Variants in VPS13A observed in about 807,000 individuals in gnomAD.
The protein encoded by VPS13A is intermembrane lipid transfer protein VPS13A.
In VPS13A, 264 loss-of-function variants were observed where a neutral mutation model predicts 390.9. That is an observed-to-expected ratio of 0.68 (90% CI 0.61 to 0.75). The LOEUF (loss-of-function observed/expected upper bound fraction) is 0.75. Among genes scored for constraint, VPS13A ranks in the 30% least tolerant of loss-of-function variants. VPS13A has a pLI of 0.00. For synonymous variants in VPS13A, 1,231 were observed against 1,227.1 expected (o/e 1.00, Z -0.07); for missense variants, 3,409 against 3,733.9 (o/e 0.91, Z 2.27).
intron 19 of VPS13A, among the ~76,000 whole-genome samples, chr9:77,241,649 T>C (rs1824506111): frequency 1.3e-5 from 2 of 152,164 alleles, no homozygotes; most frequent in Non-Finnish European, 1.5e-5. Context: ...TTCCTTAGAA[T>C]ATTATTTGGG....
At chr9:77,195,805 A>G (rs1276289802) in intron 1 of VPS13A, among the ~76,000 whole-genome samples, 2 of 150,916 alleles carry the variant, frequency 1.3e-5, no homozygotes, top group East Asian at 3.9e-4. Flanking sequence ...TCTTTCACTT[A>G]TCTTTGCTCT....
rs1017365377 is a variant in VPS13A, at chr9:77,416,065, C to T, written c.*59C>T. ...GTGATTACAGCTCCTAGACTACCTT[C>T]CAAAACCTGTTTGGGAAGCATATTA... On this transcript the variant is annotated 3_prime_UTR_variant, in exon 72 of 72. Transcript: ENST00000360280. 5.8e-5 allele frequency: 92 copies of T among 1,587,178 alleles called. No homozygotes were observed. The highest frequency in any genetic ancestry group is 7.5e-5 in the Non-Finnish European group (87 of 1,156,104).
chr9:77,299,001 A>G (rs897411507), intron 33 of VPS13A, among the ~76,000 whole-genome samples: 6 of 152,140 alleles, frequency 3.9e-5, no homozygotes, highest in Admixed American at 3.3e-4. Flanking sequence ...TCCCAACACT[A>G]TTTATTAAAT....
At chr9:77,410,843 T>C (rs911406199) in intron 71 of VPS13A, among the ~76,000 whole-genome samples, 7 of 146,202 alleles carry the variant, frequency 4.8e-5, no homozygotes, top group Non-Finnish European at 1.1e-4. Flanking sequence ...ACAATAATAA[T>C]GGGAGACTTT....
chr9:77,268,634 C>T (rs1326322651), intron 23 of VPS13A, among the ~76,000 whole-genome samples: 1 of 152,056 alleles, frequency 6.6e-6, no homozygotes, highest in Non-Finnish European at 1.5e-5. Context: ...GTTTTATCCC[C>T]AGTCTGTTAG....
At chr9:77,327,489 CTTAG>C (rs1156305524) in intron 45 of VPS13A, among the ~76,000 whole-genome samples, 2 of 151,964 alleles carry the variant, frequency 1.3e-5, no homozygotes, top group African/African-American at 4.8e-5. Context: ...TTATGAAATT[CTTAG>C]TTCTCATGTT....
Position 77,315,227 on chromosome 9 carries a change from G to C in VPS13A, c.4413-26G>C, listed in dbSNP as rs769556396. 7.5e-6 allele frequency: 12 copies of C among 1,592,908 alleles called. 1 individual carries two copies. In the South Asian group the frequency reaches 1.2e-4, roughly 16 times the overall value. ...ATTACTTCTAAGTTACTCATACATAGGAATTGTTGTTATTGTGTTTTCCAG... is the reference window on the plus strand; with the variant it reads ...ATTACTTCTAAGTTACTCATACATACGAATTGTTGTTATTGTGTTTTCCAG... On this transcript the variant is annotated intron_variant, in intron 37 of 71. Transcript: ENST00000360280.
At chr9:77,353,940 T>C (rs1207438463) in intron 54 of VPS13A, among the ~76,000 whole-genome samples, 2 of 152,094 alleles carry the variant, frequency 1.3e-5, no homozygotes, top group African/African-American at 4.8e-5. Context: ...CTTAGTTCAT[T>C]TTCCATTACC....
chr9:77,300,067 A>G (rs1828254756), intron 33 of VPS13A, among the ~76,000 whole-genome samples: 1 of 152,198 alleles, frequency 6.6e-6, no homozygotes, highest in Admixed American at 6.5e-5. Flanking sequence ...CATTCTGCAC[A>G]TGTATCCCAG....
chr9:77,187,152 T>TCCA (rs1357041436), intron 1 of VPS13A, among the ~76,000 whole-genome samples: 1 of 152,238 alleles, frequency 6.6e-6, no homozygotes, highest in African/African-American at 2.4e-5. Flanking sequence ...TTGGGCAGCT[T>TCCA]CCACCTTTTG....
In VPS13A at chr9:77,220,391, C is replaced by G. The variant is rs763735978; in HGVS notation, c.989+8C>G. On this transcript the variant is annotated splice_region_variant and intron_variant, in intron 12 of 71. Coordinates refer to ENST00000360280, the MANE Select transcript of VPS13A (RefSeq NM_033305.3). ...CCACCATGCCAGAGAATGGTAAATG[C>G]CTTGATTTTTTTTTTTTTTTAGATT... is the stretch of plus-strand genomic sequence containing the variant. 6 of 1,565,026 alleles carry G rather than the reference C, an allele frequency of 3.8e-6. No individual in the cohort carries two copies. The highest frequency in any genetic ancestry group is 5.2e-6 in the Non-Finnish European group (6 of 1,147,458).
intron 71 of VPS13A, among the ~76,000 whole-genome samples, chr9:77,409,682 T>C (rs1407383363): frequency 6.6e-6 from 1 of 150,918 alleles, no homozygotes; most frequent in African/African-American, 2.5e-5. Context: ...TGCGATCAAC[T>C]GGAAGAAAGG....
At chr9:77,208,017 G>A (rs1011038814) in intron 5 of VPS13A, among the ~76,000 whole-genome samples, 2 of 152,158 alleles carry the variant, frequency 1.3e-5, no homozygotes, top group Non-Finnish European at 2.9e-5. Context: ...AAAGAGCAAA[G>A]GGATTTAAGG....
intron 26 of VPS13A, among the ~76,000 whole-genome samples, chr9:77,278,073 T>C (rs1288490843): frequency 6.6e-6 from 1 of 151,810 alleles, no homozygotes; most frequent in African/African-American, 2.4e-5. Flanking sequence ...ATTAGTTTTA[T>C]TTATTTTTAT....
chr9:77,297,266 T>C (rs536765134), intron 33 of VPS13A, among the ~76,000 whole-genome samples: 1 of 152,222 alleles, frequency 6.6e-6, no homozygotes, highest in South Asian at 2.1e-4. Flanking sequence ...CTTTATAATA[T>C]TGTGCTATGA....
intron 26 of VPS13A, among the ~76,000 whole-genome samples, chr9:77,278,583 A>G (rs1826832692): frequency 6.6e-6 from 1 of 152,226 alleles, no homozygotes. Context: ...AAATGTGTAA[A>G]CAAAGTGGGA....
chr9:77,404,642 A>G lies in VPS13A; in HGVS notation c.9276-1222A>G, dbSNP rs1834518559. 2.0e-5 allele frequency among the ~76,000 whole-genome samples: 3 copies of G among 152,218 alleles called. No homozygotes were observed. In the South Asian group the frequency reaches 6.2e-4, roughly 32 times the overall value. On this transcript the variant is annotated intron_variant, in intron 69 of 71. Transcript: ENST00000360280. ...ATTTTAAAAGTTATCTTTTTTCTCA[A>G]CACAGTGGACCTCTTTAGATGAGGC... is the stretch of plus-strand genomic sequence containing the variant.
intron 22 of VPS13A, among the ~76,000 whole-genome samples, chr9:77,255,560 T>G (rs1432216649): frequency 6.6e-6 from 1 of 152,084 alleles, no homozygotes; most frequent in Non-Finnish European, 1.5e-5. Flanking sequence ...AATGCTGTCT[T>G]TATAGAATGG....
chr9:77,282,143 T>C lies in VPS13A; in HGVS notation c.2987T>C (p.Ile996Thr). 4.3e-6 allele frequency: 7 copies of C among 1,613,180 alleles called. No individual in the cohort carries two copies. Among genetic ancestry groups the C allele is most frequent in the Non-Finnish European group, 5.9e-6 (7 of 1,179,582 alleles). The change falls in exon 29 of 72, where the codon ATT (isoleucine) becomes ACT (threonine). Residue 996 changes from isoleucine (I) to threonine (T), a missense_variant. Coordinates refer to ENST00000360280, the MANE Select transcript of VPS13A (RefSeq NM_033305.3). Reference protein sequence around the residue: ...LIKVNFSSLDIHLHTEALLNT... With the variant: ...LIKVNFSSLDTHLHTEALLNT... ...TAGGTAAATTTTTCCTCTTTGGATA[T>C]TCATTTACACACTGAAGCACTTCTG...
Sources: allele counts gnomAD v4.1 joint callset (sites outside exome capture counted in the v4.1 genomes callset), GRCh38; gene constraint gnomAD v4.1.1; transcripts MANE v1.5; gene names NCBI Gene and HGNC (gene_info 2026-07-23, HGNC 2026-07-21).